The following RIPK2 variants were observed in gnomAD, a reference collection of about 807,000 sequenced individuals.
The protein encoded by RIPK2 is receptor-interacting serine/threonine-protein kinase 2.
In RIPK2, 38 loss-of-function variants were observed where a neutral mutation model predicts 60.9. The ratio of observed to expected loss-of-function variants is 0.62; its 90% confidence interval spans 0.48 to 0.82. The LOEUF is 0.82. Ranked by LOEUF, RIPK2 falls within the 40% of genes least tolerant of loss-of-function variation. The pLI, the probability that RIPK2 is intolerant of heterozygous loss-of-function variation, is 0.00. For missense variants in RIPK2, 518 were observed against 647.0 expected, an observed-to-expected ratio of 0.80 and a Z score of 2.16; for synonymous variants, 225 against 223.4, an observed-to-expected ratio of 1.01 and a Z score of -0.06.
chr8:89,781,741 T>G (rs1391734158), intron 7 of RIPK2, among the ~76,000 whole-genome samples: 1 of 152,212 alleles, frequency 6.6e-6, no homozygotes, highest in Non-Finnish European at 1.5e-5. Context: ...CTGAACCCTA[T>G]GTATACTGTA....
rs545816597 is a variant in RIPK2, at chr8:89,766,763, G to A, written c.483+1267G>A. Among the ~76,000 whole-genome samples, 26 of 151,436 alleles carry A rather than the reference G, an allele frequency of 1.7e-4. 1 individual carries two copies. The South Asian group carries it at 3.3e-3, about 19-fold the overall frequency. On this transcript the variant is annotated intron_variant, in intron 3 of 10. Transcript: ENST00000220751. ...CATTTTCCTAACTGCTAATGATATC[G>A]AACACCTTTTTATATGCTAATTTGC...
At chr8:89,778,965 ACTT>A (rs1217580119) in intron 6 of RIPK2, among the ~76,000 whole-genome samples, 1 of 152,140 alleles carries the variant, frequency 6.6e-6, no homozygotes, top group East Asian at 1.9e-4. Context: ...CACTGTCAAC[ACTT>A]CTTATTTTCC....
chr8:89,780,912 C>T (rs747624957), intron 7 of RIPK2: 1 of 148,438 alleles, frequency 6.7e-6, no homozygotes, highest in African/African-American at 2.5e-5. Flanking sequence ...TCTTGTGGGT[C>T]GGAACAATTT....
intron 9 of RIPK2, among the ~76,000 whole-genome samples, chr8:89,787,495 G>T (rs1309284636): frequency 6.6e-6 from 1 of 152,130 alleles, no homozygotes; most frequent in Non-Finnish European, 1.5e-5. Context: ...ATTATTTCTG[G>T]CTGAAGGCTG....
intron 2 of RIPK2, among the ~76,000 whole-genome samples, 185 bp from the exon 3 acceptor site, chr8:89,765,156 A>C (rs1426603165): frequency 1.3e-5 from 2 of 152,030 alleles, no homozygotes; most frequent in Non-Finnish European, 2.9e-5. Context: ...TTTTCTCTAT[A>C]AAGTGAGGAA....
At position 89,769,910 on chromosome 8, in the gene RIPK2, A is replaced by G. The variant is rs201397208; in HGVS notation, c.622A>G (p.Ile208Val). 10 of 1,604,482 alleles carry G rather than the reference A, an allele frequency of 6.2e-6. No individual in the cohort carries two copies. Among genetic ancestry groups the G allele is most frequent in the Non-Finnish European group, 7.7e-6 (9 of 1,175,292 alleles). Residue 208 changes from isoleucine (I) to valine (V), a missense_variant, in exon 4 of 11, where the codon ATC becomes GTC. Physicochemically the swap from Ile to Val is conservative, Grantham distance 29. This residue lies in a region of RIPK2 where 448 missense variants were observed against 534.7 expected (regional missense o/e 0.84). Transcript: ENST00000220751. Reference protein sequence around the residue: ...YEPGQKSRASIKHDIYSYAVI... With the variant: ...YEPGQKSRASVKHDIYSYAVI... The stretch of plus-strand genomic sequence containing the variant: ...ACCTGGACAAAAATCAAGGGCCAGT[A>G]TCAAGCACGATATATATAGGTAGAG...
chr8:89,766,679 G>GT (rs1809234825), intron 3 of RIPK2, among the ~76,000 whole-genome samples: 3 of 150,904 alleles, frequency 2.0e-5, no homozygotes, highest in Admixed American at 2.0e-4. Flanking sequence ...TATTATCACT[G>GT]TTTTCTGTTT....
chr8:89,770,591 T>C (rs1318397112), intron 4 of RIPK2, among the ~76,000 whole-genome samples: 1 of 151,868 alleles, frequency 6.6e-6, no homozygotes, highest in South Asian at 2.1e-4. Context: ...TCTTTTAATA[T>C]ACTAATGAAT....
chr8:89,764,681 T>A (rs546750922), intron 2 of RIPK2, among the ~76,000 whole-genome samples: 2 of 152,124 alleles, frequency 1.3e-5, no homozygotes, highest in Middle Eastern at 3.2e-3. Context: ...TTTAAATGTG[T>A]CTGTTCTATA....
rs71268283 is a variant in RIPK2, at chr8:89,784,141, TAAAAAAAAAA to T, written c.1029+16_1029+25del. 9.9e-5 allele frequency: 55 copies of T among 556,028 alleles called. No homozygotes were observed. Among genetic ancestry groups the T allele is most frequent in the South Asian group, 1.8e-4 (5 of 28,242 alleles). 34.4% of individuals were successfully genotyped at this position (556,028 alleles called of 1,614,324 possible). A position where few individuals can be genotyped will look rare whatever the true frequency, so the allele number is the denominator to read the frequency against. On this transcript the variant is annotated splice_donor_5th_base_variant and intron_variant, in intron 8 of 10. Transcript: ENST00000220751. ...CCTGTAAATCATGGTCCACAAGAGG[TAAAAAAAAAA>T]AAAAAAAAAAAAAGGTTATATTAAA...
chr8:89,788,462 G>C (rs1278053664), intron 9 of RIPK2, among the ~76,000 whole-genome samples: 2 of 152,138 alleles, frequency 1.3e-5, no homozygotes, highest in East Asian at 1.9e-4. Flanking sequence ...TTGATGGCCA[G>C]AGGGCTTTTG....
intron 8 of RIPK2, among the ~76,000 whole-genome samples, chr8:89,784,685 A>G (rs1554598983): frequency 6.6e-6 from 1 of 152,240 alleles, no homozygotes. Flanking sequence ...CAAAACTTTG[A>G]ACACCAACAT....
intron 3 of RIPK2, among the ~76,000 whole-genome samples, chr8:89,767,465 T>A (rs1809247125): frequency 6.6e-6 from 1 of 151,650 alleles, no homozygotes; most frequent in African/African-American, 2.4e-5. Flanking sequence ...AAGACACTCC[T>A]CTCCTTAGAA....
chr8:89,768,662 G>A (rs1809266485), intron 3 of RIPK2, among the ~76,000 whole-genome samples: 1 of 151,298 alleles, frequency 6.6e-6, no homozygotes, highest in African/African-American at 2.4e-5. Flanking sequence ...GTCCTTTTCT[G>A]TGAATTCAAT....
chr8:89,757,991 C>G lies in RIPK2; in HGVS notation c.-70C>G. Reference sequence around the variant, plus strand: ...GCAGGGGCGTATCTGGGCGCCTGAGCGCGGCGTGGGAGCCTTGGGAGCCGC... The same window carrying G: ...GCAGGGGCGTATCTGGGCGCCTGAGGGCGGCGTGGGAGCCTTGGGAGCCGC... On this transcript the variant is annotated 5_prime_UTR_variant, in exon 1 of 11. Transcript: ENST00000220751. 4 of 1,459,988 alleles carry G rather than the reference C, an allele frequency of 2.7e-6. No homozygotes were observed. The highest frequency in any genetic ancestry group is 1.4e-5 in the South Asian group (1 of 72,390). The allele number at this position is 1,459,988 out of a possible 1,614,324, so 90.4% of individuals were successfully genotyped here.
chr8:89,785,959 C>G (rs1247674406), intron 8 of RIPK2, among the ~76,000 whole-genome samples: 1 of 152,192 alleles, frequency 6.6e-6, no homozygotes, highest in Non-Finnish European at 1.5e-5. Context: ...ATTTCTAAAT[C>G]TGTAGGAGAC....
At chr8:89,758,295 G>T in intron 1 of RIPK2, 62 bp downstream of exon 1, 1 of 1,472,836 alleles carries the variant, frequency 6.8e-7, no homozygotes, top group South Asian at 1.3e-5. Context: ...CAAGCCCCCT[G>T]ACAAGCGGGC....
rs965702875 is a variant in RIPK2 at position 89,774,477 on chromosome 8, G to A, written c.853+1649G>A. Among the ~76,000 whole-genome samples the A allele has an allele frequency of 2.6e-5, 4 of 152,124 alleles. No homozygotes were observed. In the South Asian group the frequency reaches 6.2e-4, roughly 24 times the overall value. ...AAATGATGCTGCCACTTTGGAAAAC[G>A]GTTTGGCAGTTTCTTAAAAATGAAA... On this transcript the variant is annotated intron_variant, in intron 6 of 10. Coordinates refer to ENST00000220751, the MANE Select transcript of RIPK2 (RefSeq NM_003821.6).
At chr8:89,788,063 TG>T (rs1809615046) in intron 9 of RIPK2, among the ~76,000 whole-genome samples, 1 of 152,092 alleles carries the variant, frequency 6.6e-6, no homozygotes, top group African/African-American at 2.4e-5. Context: ...TAAAACAGGC[TG>T]CATGCGGTGG....
Sources: allele counts gnomAD v4.1 joint callset (sites outside exome capture counted in the v4.1 genomes callset), GRCh38; gene constraint gnomAD v4.1.1; regional missense constraint gnomAD v4.1.1; transcripts MANE v1.5; gene names NCBI Gene and HGNC (gene_info 2026-07-23, HGNC 2026-07-21).